The following BAZ1B variants were observed in gnomAD, a reference collection of about 807,000 sequenced individuals.
The protein encoded by BAZ1B is bromodomain adjacent to zinc finger domain 1B.
BAZ1B carries 22 observed loss-of-function variants against 153.8 expected under a neutral mutation model. The observed-to-expected ratio is 0.14, with a 90% CI of 0.10 to 0.20. BAZ1B has a LOEUF of 0.20. BAZ1B is among the 10% of genes least tolerant of loss of function. BAZ1B has a pLI of 1.00. For synonymous variants in BAZ1B, 676 were observed against 633.4 expected, an observed-to-expected ratio of 1.07 and a Z score of -1.01; for missense variants, 1,325 against 1,799.3, an observed-to-expected ratio of 0.74 and a Z score of 4.77.
At chr7:73,499,162 G>C (rs1790030029) in intron 3 of BAZ1B, among the ~76,000 whole-genome samples, 1 of 152,004 alleles carries the variant, frequency 6.6e-6, no homozygotes, top group Non-Finnish European at 1.5e-5. Flanking sequence ...GGAGTAGCTG[G>C]GACTATAGGC....
At chr7:73,494,005 G>A (rs772645051) in intron 4 of BAZ1B, among the ~76,000 whole-genome samples, 2 of 152,160 alleles carry the variant, frequency 1.3e-5, no homozygotes, top group Non-Finnish European at 1.5e-5. Context: ...ACCATTTAAA[G>A]AGATTAGAAT....
At chr7:73,489,995 G>T (rs191057269) in intron 5 of BAZ1B, among the ~76,000 whole-genome samples, 7 of 152,328 alleles carry the variant, frequency 4.6e-5, no homozygotes, top group Admixed American at 2.6e-4. Context: ...GGAATGGGTT[G>T]AGAGTTATTA....
chr7:73,468,942 C>A (rs1479917588), intron 9 of BAZ1B, among the ~76,000 whole-genome samples: 1 of 152,042 alleles, frequency 6.6e-6, no homozygotes, highest in Non-Finnish European at 1.5e-5. Flanking sequence ...CCAGCTTGGC[C>A]AACATGGCGA....
chr7:73,507,682 C>T (rs1790399447), intron 3 of BAZ1B, among the ~76,000 whole-genome samples: 1 of 152,200 alleles, frequency 6.6e-6, no homozygotes, highest in Non-Finnish European at 1.5e-5. Context: ...CTAAAACATT[C>T]TCAGTGATGA....
At position 73,481,977 on chromosome 7, in the gene BAZ1B, C is replaced by T. The variant is rs183290845; in HGVS notation, c.892-3408G>A. On this transcript the variant is annotated intron_variant, in intron 6 of 19. Coordinates refer to ENST00000339594, the MANE Select transcript of BAZ1B (RefSeq NM_032408.4). ...TGGCGTGAACCCGGGAGGCGGAGCT[C>T]GCAGTGAGCCGAGATCCCGCCACTG... Among the ~76,000 whole-genome samples the T allele has an allele frequency of 1.6e-3, 246 of 151,522 alleles. 1 individual carries two copies. The highest frequency in any genetic ancestry group is 5.7e-3 in the African/African-American group (237 of 41,314).
chr7:73,462,145 G>C (rs1023255071), intron 12 of BAZ1B, among the ~76,000 whole-genome samples: 5 of 152,208 alleles, frequency 3.3e-5, no homozygotes, highest in Non-Finnish European at 7.3e-5. Flanking sequence ...CCTGAGATGG[G>C]AGAATCACTT....
At chr7:73,509,142 C>T (rs574381847) in intron 2 of BAZ1B, among the ~76,000 whole-genome samples, 7 of 151,374 alleles carry the variant, frequency 4.6e-5, no homozygotes, top group South Asian at 4.2e-4. Flanking sequence ...GCCAACATGG[C>T]GAAACCCTGT....
intron 11 of BAZ1B, 139 bp from the exon 12 acceptor site, chr7:73,463,238 TC>T (rs369464544): frequency 6.7e-5 from 52 of 771,732 alleles, no homozygotes; most frequent in Non-Finnish European, 7.9e-5. Context: ...TTTTCTTTTT[TC>T]TTTTTTTTTT....
intron 7 of BAZ1B, among the ~76,000 whole-genome samples, chr7:73,475,528 T>C (rs149988704): frequency 9.2e-5 from 14 of 152,322 alleles, no homozygotes; most frequent in African/African-American, 2.4e-4. Context: ...GGTAAATCCA[T>C]AGATGCAGAG....
At chr7:73,461,421 A>T (rs1344107700) in intron 12 of BAZ1B, among the ~76,000 whole-genome samples, 1 of 152,270 alleles carries the variant, frequency 6.6e-6, no homozygotes, top group Non-Finnish European at 1.5e-5. Context: ...AAACTAAGAA[A>T]AATGACAACC....
rs782450676 is a variant in BAZ1B, at chr7:73,469,623, T to C, written c.2760A>G (p.Pro920=). ...CCCAGCCTTTTTCAATGAATAATCCTGGAACTTCATCTGAGAAGAGCCAGT... is the reference window on the plus strand; with the variant it reads ...CCCAGCCTTTTTCAATGAATAATCCCGGAACTTCATCTGAGAAGAGCCAGT... ...NRYWLFSDEV[P]GLFIEKGWVH... The change falls in exon 9 of 20, where the codon CCA becomes CCG. Residue 920 remains proline, a synonymous_variant. Transcript: ENST00000339594. The C allele has an allele frequency of 7.8e-5, 126 of 1,614,020 alleles. No homozygotes were observed. Among genetic ancestry groups the C allele is most frequent in the Middle Eastern group, 1.6e-4 (1 of 6,084 alleles).
At chr7:73,452,610 T>C (rs1307629765) in intron 13 of BAZ1B, among the ~76,000 whole-genome samples, 1 of 151,284 alleles carries the variant, frequency 6.6e-6, no homozygotes, top group Non-Finnish European at 1.5e-5. Flanking sequence ...TAGTCCCAGC[T>C]ACTCGGGAGA....
rs539578324 is a variant in BAZ1B at position 73,443,888 on chromosome 7, G to C, written c.3990+96C>G. ...GTTTGGTAAGAAGGAGGAGGGGGGA[G>C]GCTCCCCTCCCACCTGTTGCCTGAT... On this transcript the variant is annotated intron_variant, in intron 17 of 19. Coordinates refer to ENST00000339594, the MANE Select transcript of BAZ1B (RefSeq NM_032408.4). 5.7e-6 allele frequency: 9 copies of C among 1,570,290 alleles called. No individual in the cohort carries two copies. The East Asian group carries it at 1.4e-4, about 24-fold the overall frequency.
At chr7:73,498,844 T>G in intron 3 of BAZ1B, 146 bp from the exon 4 acceptor site, 1 of 692,654 alleles carries the variant, frequency 1.4e-6, no homozygotes, top group Non-Finnish European at 2.4e-6. Flanking sequence ...TGAAGTGTTT[T>G]CAACTTTTTT....
rs187708400 is a variant in BAZ1B at position 73,473,716 on chromosome 7, G to C, written c.2593+3152C>G. 7.8e-4 allele frequency among the ~76,000 whole-genome samples: 119 copies of C among 152,334 alleles called. 1 individual carries two copies. The highest frequency in any genetic ancestry group is 2.7e-3 in the African/African-American group (114 of 41,578). On this transcript the variant is annotated intron_variant, in intron 7 of 19. Coordinates refer to ENST00000339594, the MANE Select transcript of BAZ1B (RefSeq NM_032408.4). ...GAAAGAACTATTCAAGCCGGGGTTT[G>C]GTGGCTCAGGCCTGTAATCCCAGCA...
chr7:73,444,791 G>GATC (rs1219190836), intron 16 of BAZ1B, among the ~76,000 whole-genome samples: 1 of 152,098 alleles, frequency 6.6e-6, no homozygotes, highest in Non-Finnish European at 1.5e-5. Context: ...GAGGCAGGTG[G>GATC]ATCACCTGAG....
intron 7 of BAZ1B, among the ~76,000 whole-genome samples, chr7:73,476,425 G>A (rs1789003058): frequency 6.6e-6 from 1 of 152,182 alleles, no homozygotes; most frequent in African/African-American, 2.4e-5. Context: ...TGGTGACCGT[G>A]CTAGGGGCTT....
chr7:73,452,419 T>C (rs1554568461), intron 13 of BAZ1B, among the ~76,000 whole-genome samples: 1 of 152,114 alleles, frequency 6.6e-6, no homozygotes, highest in African/African-American at 2.4e-5. Flanking sequence ...GACTTCACAA[T>C]GGTGCAAAAG....
chr7:73,469,859 C>T (rs913130194), intron 8 of BAZ1B, among the ~76,000 whole-genome samples: 2 of 152,050 alleles, frequency 1.3e-5, no homozygotes, highest in Non-Finnish European at 2.9e-5. Flanking sequence ...GCTTAATGTT[C>T]GTAATTTGTA....
Sources: allele counts gnomAD v4.1 joint callset (sites outside exome capture counted in the v4.1 genomes callset), GRCh38; gene constraint gnomAD v4.1.1; transcripts MANE v1.5; gene names NCBI Gene and HGNC (gene_info 2026-07-23, HGNC 2026-07-21).